The following EHBP1 variants were observed in gnomAD, a reference collection of about 807,000 sequenced individuals.
The protein encoded by EHBP1 is EH domain binding protein 1, also known as EH domain-binding protein 1.
A neutral mutation model predicts 144.0 loss-of-function variants in EHBP1; 55 were observed. The ratio of observed to expected loss-of-function variants is 0.38; its 90% CI spans 0.31 to 0.48. The LOEUF is 0.48. EHBP1 is among the 20% of genes least tolerant of loss of function. The pLI is 0.98. For synonymous variants in EHBP1, 469 were observed against 472.7 expected (o/e 0.99, Z 0.10); for missense variants, 1,200 against 1,364.2 (o/e 0.88, Z 1.90).
chr2:62,687,461 G>A (rs149581815), intron 1 of EHBP1, among the ~76,000 whole-genome samples: 2 of 152,350 alleles, frequency 1.3e-5, no homozygotes, highest in East Asian at 3.9e-4. Flanking sequence ...GAAGTCTGAA[G>A]TTCCCAGATA....
chr2:63,038,666 A>C, intron 20 of EHBP1, 77 bp from the exon 21 acceptor site: 3 of 1,352,164 alleles, frequency 2.2e-6, no homozygotes, highest in South Asian at 2.4e-5. Context: ...TCCTAAAATC[A>C]ATGTAACCTA....
intron 10 of EHBP1, among the ~76,000 whole-genome samples, chr2:62,895,608 A>G (rs1032754870): frequency 6.6e-6 from 1 of 152,196 alleles, no homozygotes; most frequent in African/African-American, 2.4e-5. Context: ...AAGGAAAAAC[A>G]CATGATCAGA....
chr2:63,024,685 G>A (rs1300216206), intron 19 of EHBP1, among the ~76,000 whole-genome samples: 1 of 149,926 alleles, frequency 6.7e-6, no homozygotes, highest in African/African-American at 2.4e-5. Context: ...TGCTTATTTT[G>A]AATCAAAGTT....
At chr2:62,773,562 G>A (rs1345285320) in intron 5 of EHBP1, among the ~76,000 whole-genome samples, 1 of 151,872 alleles carries the variant, frequency 6.6e-6, no homozygotes, top group Non-Finnish European at 1.5e-5. Context: ...AATCCTGTAA[G>A]GATTATTCTT....
chr2:62,853,975 C>A (rs1351133119), intron 7 of EHBP1, among the ~76,000 whole-genome samples: 2 of 152,156 alleles, frequency 1.3e-5, no homozygotes, highest in Non-Finnish European at 2.9e-5. Context: ...GTCATCCAGG[C>A]TTTGTTGTTG....
chr2:62,727,314 A>G (rs1158746357), intron 2 of EHBP1, among the ~76,000 whole-genome samples: 1 of 147,502 alleles, frequency 6.8e-6, no homozygotes, highest in Non-Finnish European at 1.5e-5. Flanking sequence ...AAACAGATTT[A>G]TTGAGGTATA....
At chr2:62,997,709 A>C (rs2059697415) in intron 19 of EHBP1, among the ~76,000 whole-genome samples, 1 of 152,150 alleles carries the variant, frequency 6.6e-6, no homozygotes, top group Admixed American at 6.6e-5. Context: ...AATATATTTA[A>C]AATAAAAGAA....
At chr2:63,001,345 G>C (rs879834671) in intron 19 of EHBP1, among the ~76,000 whole-genome samples, 1 of 152,130 alleles carries the variant, frequency 6.6e-6, no homozygotes, top group Non-Finnish European at 1.5e-5. Context: ...GCTTTTCGTA[G>C]AGTATCTGTT....
chr2:63,034,491 A>G (rs1172121323), intron 19 of EHBP1, among the ~76,000 whole-genome samples: 1 of 152,080 alleles, frequency 6.6e-6, no homozygotes, highest in African/African-American at 2.4e-5. Flanking sequence ...TAAACGATTT[A>G]TGGCCATTTT....
In EHBP1 at chr2:62,705,798, C is replaced by T. The variant is rs1424374861; in HGVS notation, c.-550C>T. 7.8e-6 allele frequency: 1 copy of T among 128,004 alleles called. No homozygotes were observed. Among genetic ancestry groups the T allele is most frequent in the East Asian group, 2.4e-4 (1 of 4,082 alleles). 7.9% of individuals were successfully genotyped at this position (128,004 alleles called of 1,614,324 possible). Reference sequence around the variant, plus strand: ...GGGGGTGCTGGGCGCTGAGCGGTGGCTCTGGCAGGGCTTGGTAGGGTGGGG... The same window carrying T: ...GGGGGTGCTGGGCGCTGAGCGGTGGTTCTGGCAGGGCTTGGTAGGGTGGGG... On this transcript the variant is annotated 5_prime_UTR_variant, in exon 1 of 23. Transcript: ENST00000431489.
chr2:62,829,371 C>G (rs562484102), intron 6 of EHBP1, among the ~76,000 whole-genome samples: 1 of 151,822 alleles, frequency 6.6e-6, no homozygotes, highest in South Asian at 2.1e-4. Flanking sequence ...CCCACTCTTC[C>G]ACGTAAGTCT....
intron 18 of EHBP1, among the ~76,000 whole-genome samples, chr2:62,994,405 G>A (rs1260436901): frequency 6.6e-6 from 1 of 152,050 alleles, no homozygotes; most frequent in Non-Finnish European, 1.5e-5. Context: ...CAGATCAGCC[G>A]TGAATTACTA....
At chr2:62,756,011 C>T (rs1047973153) in intron 3 of EHBP1, among the ~76,000 whole-genome samples, 3 of 151,686 alleles carry the variant, frequency 2.0e-5, no homozygotes, top group Non-Finnish European at 4.4e-5. Flanking sequence ...TGGTGCTTCA[C>T]GCCTGTAACC....
intron 5 of EHBP1, among the ~76,000 whole-genome samples, chr2:62,778,710 A>G (rs1378351672): frequency 6.6e-6 from 1 of 152,194 alleles, no homozygotes; most frequent in Non-Finnish European, 1.5e-5. Context: ...TAAACAATAT[A>G]AAATCACAAT....
chr2:62,750,319 C>G (rs2039562683), intron 3 of EHBP1, among the ~76,000 whole-genome samples: 1 of 152,088 alleles, frequency 6.6e-6, no homozygotes, highest in African/African-American at 2.4e-5. Flanking sequence ...TTTCTGAGGG[C>G]TCTGTTCTGT....
chr2:62,970,891 C>G (rs907126332), intron 14 of EHBP1, among the ~76,000 whole-genome samples: 13 of 151,964 alleles, frequency 8.6e-5, no homozygotes, highest in Non-Finnish European at 1.9e-4. Context: ...ATTACTACGA[C>G]TAAGGAGGAT....
At chr2:62,708,098 A>C (rs1027242075) in intron 2 of EHBP1, among the ~76,000 whole-genome samples, 6 of 152,212 alleles carry the variant, frequency 3.9e-5, no homozygotes, top group Non-Finnish European at 5.9e-5. Flanking sequence ...TTATTGCAAA[A>C]TAAGTCCATT....
At chr2:62,879,621 GGA>G (rs1416136842) in intron 10 of EHBP1, among the ~76,000 whole-genome samples, 3 of 122,242 alleles carry the variant, frequency 2.5e-5, no homozygotes, top group Non-Finnish European at 3.6e-5. Flanking sequence ...AGGGAGAGAG[GGA>G]GAGAGAGCCT....
At chr2:62,689,267 A>G (rs903555109) in intron 1 of EHBP1, among the ~76,000 whole-genome samples, 3 of 152,340 alleles carry the variant, frequency 2.0e-5, no homozygotes, top group East Asian at 1.9e-4. Context: ...TAGAGAAAAA[A>G]TCAAATATGA....
Sources: gnomAD v4.1 joint callset for allele counts (sites outside exome capture counted in the v4.1 genomes callset) on GRCh38, gnomAD v4.1.1 for gene constraint, MANE v1.5 for transcripts, NCBI Gene and HGNC (gene_info 2026-07-23, HGNC 2026-07-21) for gene names.